DMD: variants seen among roughly 807,000 people sequenced by gnomAD.
The protein encoded by DMD is dystrophin, also known as mutant dystrophin.
A neutral mutation model predicts 330.1 loss-of-function variants in DMD; 63 were observed. The observed-to-expected ratio is 0.19, with a 90% confidence interval of 0.16 to 0.24. The LOEUF (loss-of-function observed/expected upper bound fraction) is 0.24, where lower values mean the gene tolerates loss of function less well. DMD is among the 10% of genes least tolerant of loss of function. The pLI, the probability that DMD is intolerant of heterozygous loss-of-function variation, is 1.00. For synonymous variants in DMD, 1,223 were observed against 959.8 expected, an observed-to-expected ratio of 1.27 and a Z score of -5.07; for missense variants, 3,344 against 2,684.1, an observed-to-expected ratio of 1.25 and a Z score of -5.43.
At chrX:32,781,125 G>GAA (rs59738615) in intron 7 of DMD, among the ~76,000 whole-genome samples, 6 of 57,038 alleles carry the variant, frequency 1.1e-4, no homozygotes, top group Non-Finnish European at 1.1e-4. Flanking sequence ...CTCAAAAAAA[G>GAA]AAAAAAAAAA....
chrX:31,343,474 G>A (rs997720921), intron 61 of DMD, among the ~76,000 whole-genome samples: 13 of 111,174 alleles, frequency 1.2e-4, no homozygotes, highest in African/African-American at 4.2e-4. Flanking sequence ...TAGAGATTGG[G>A]CCACCAGGAA....
At position 31,666,430 on chromosome X, in the gene DMD, G is replaced by A. The variant is rs185890764; in HGVS notation, c.7873-8286C>T. The stretch of plus-strand genomic sequence containing the variant: ...TAGAATGCTCTCATCAGTCTACAAC[G>A]AACATGTAACATGAGTAAAATATAG... On this transcript the variant is annotated intron_variant, in intron 53 of 78. Transcript: ENST00000357033. 3.0e-3 allele frequency among the ~76,000 whole-genome samples: 341 copies of A among 111,978 alleles called. 2 individuals are homozygous for A. The highest frequency in any genetic ancestry group is 5.0e-3 in the Non-Finnish European group (265 of 53,100).
At chrX:32,287,982 G>C (rs1483825468) in intron 42 of DMD, among the ~76,000 whole-genome samples, 1 of 110,115 alleles carries the variant, frequency 9.1e-6, no homozygotes, top group Non-Finnish European at 1.9e-5. Context: ...TCCTTTGCTG[G>C]ATCCTTCTCA....
At chrX:31,279,686 C>A (rs995061090) in intron 62 of DMD, among the ~76,000 whole-genome samples, 1 of 112,455 alleles carries the variant, frequency 8.9e-6, no homozygotes, top group East Asian at 2.8e-4. Context: ...TATCCAGCTG[C>A]CAGCTGACTA....
chrX:32,535,496 C>A (rs1256314103), intron 17 of DMD, among the ~76,000 whole-genome samples: 1 of 111,537 alleles, frequency 9.0e-6, no homozygotes, highest in African/African-American at 3.3e-5. Flanking sequence ...ATAGCTAGCT[C>A]CCTCTTCAAC....
intron 16 of DMD, among the ~76,000 whole-genome samples, chrX:32,559,497 T>A (rs2050750930): frequency 9.0e-6 from 1 of 111,683 alleles, no homozygotes; most frequent in South Asian, 3.7e-4. Flanking sequence ...AGAGTATTTT[T>A]AATTAAACTT....
At chrX:31,319,976 A>G (rs1399732304) in intron 62 of DMD, among the ~76,000 whole-genome samples, 1 of 112,394 alleles carries the variant, frequency 8.9e-6, no homozygotes, top group Non-Finnish European at 1.9e-5. Context: ...AAAAAACTAC[A>G]AAATGGCAGA....
At chrX:32,727,402 ACT>A (rs1212250976) in intron 7 of DMD, among the ~76,000 whole-genome samples, 58 of 110,979 alleles carry the variant, frequency 5.2e-4, no homozygotes, top group Middle Eastern at 9.3e-3. Flanking sequence ...ACAGAGCAGA[ACT>A]CTAAATTCTG....
chrX:32,961,576 T>C (rs981042688), intron 2 of DMD, among the ~76,000 whole-genome samples: 1 of 111,758 alleles, frequency 8.9e-6, no homozygotes, highest in Admixed American at 9.6e-5. Context: ...TTTTTATTAA[T>C]AGTTTTTTCA....
At chrX:32,472,611 G>C (rs2040776696) in intron 21 of DMD, among the ~76,000 whole-genome samples, 1 of 110,769 alleles carries the variant, frequency 9.0e-6, no homozygotes, top group South Asian at 3.9e-4. Flanking sequence ...GAAAAACAGA[G>C]AAGCTAAGTA....
chrX:33,281,919 G>A (rs2148922184), intron 1 of DMD, among the ~76,000 whole-genome samples: 1 of 108,651 alleles, frequency 9.2e-6, no homozygotes, highest in South Asian at 4.1e-4. Context: ...CTGCTAGGTA[G>A]AGTAGGGGTT....
At chrX:32,238,444 T>TGAGA (rs200601285) in intron 43 of DMD, among the ~76,000 whole-genome samples, 4,032 of 98,925 alleles carry the variant, frequency 0.041, 83 homozygotes, top group Non-Finnish European at 0.05. Context: ...AAGCAATGCA[T>TGAGA]GAGAGAGAGA....
intron 1 of DMD, among the ~76,000 whole-genome samples, chrX:33,177,532 G>A (rs756383594): frequency 1.2e-4 from 13 of 110,309 alleles, no homozygotes; most frequent in East Asian, 1.2e-3. Context: ...TTACAGGTGC[G>A]CACCACCATG....
At chrX:32,974,921 T>G (rs1474722584) in intron 2 of DMD, among the ~76,000 whole-genome samples, 1 of 112,139 alleles carries the variant, frequency 8.9e-6, no homozygotes, top group East Asian at 2.8e-4. Flanking sequence ...AATGACTTTA[T>G]TTGGTTAACA....
chrX:33,119,058 C>A (rs1472683063), intron 1 of DMD, among the ~76,000 whole-genome samples: 1 of 112,299 alleles, frequency 8.9e-6, no homozygotes, highest in African/African-American at 3.2e-5. Flanking sequence ...TGTTCGATAT[C>A]CAGCCAAGCC....
chrX:33,161,153 G>C (rs147338901), intron 1 of DMD, among the ~76,000 whole-genome samples: 2,043 of 111,876 alleles, frequency 0.018, 56 homozygotes, highest in African/African-American at 0.063. Flanking sequence ...TCTCAGTATA[G>C]TTAGATCATC....
At chrX:33,095,784 A>C (rs1253577590) in intron 1 of DMD, among the ~76,000 whole-genome samples, 2 of 110,767 alleles carry the variant, frequency 1.8e-5, no homozygotes, top group East Asian at 5.7e-4. Context: ...AAGCCATCTC[A>C]AAATGCATAC....
intron 4 of DMD, among the ~76,000 whole-genome samples, chrX:32,839,201 C>T (rs1273782131): frequency 9.1e-6 from 1 of 110,453 alleles, no homozygotes; most frequent in Non-Finnish European, 1.9e-5. Context: ...TTTCCTTTAT[C>T]TCTAAACTCA....
At chrX:32,586,611 A>G (rs73461722) in intron 13 of DMD, among the ~76,000 whole-genome samples, 1,394 of 109,986 alleles carry the variant, frequency 0.013, 21 homozygotes, top group African/African-American at 0.043. Flanking sequence ...ACTGTGTTAC[A>G]TAGGTTTCTG....
Sources: gnomAD v4.1 joint callset for allele counts (sites outside exome capture counted in the v4.1 genomes callset) on GRCh38, gnomAD v4.1.1 for gene constraint, MANE v1.5 for transcripts, NCBI Gene and HGNC (gene_info 2026-07-23, HGNC 2026-07-21) for gene names.